The following FAT1 variants were observed in gnomAD, a reference collection of about 807,000 sequenced individuals.
FAT1 encodes the protein protocadherin Fat 1.
In FAT1, 171 loss-of-function variants were observed where a neutral mutation model predicts 329.8. The observed-to-expected ratio is 0.52, with a 90% CI of 0.46 to 0.59. FAT1 has a LOEUF of 0.59. Ranked by LOEUF, FAT1 falls within the 20% of genes least tolerant of loss-of-function variation. FAT1 has a pLI of 0.00. For missense variants in FAT1, 5,672 were observed against 5,774.4 expected (o/e 0.98, Z 0.57); for synonymous variants, 2,233 against 2,228.6 (o/e 1.00, Z -0.06).
intron 2 of FAT1, among the ~76,000 whole-genome samples, chr4:186,705,463 C>T (rs1244758813): frequency 6.6e-6 from 1 of 152,124 alleles, no homozygotes; most frequent in Non-Finnish European, 1.5e-5. Context: ...ACAAATTGAG[C>T]CCCACCTATT....
chr4:186,698,455 C>T (rs781633398), intron 2 of FAT1, among the ~76,000 whole-genome samples: 32 of 152,092 alleles, frequency 2.1e-4, no homozygotes, highest in Admixed American at 4.6e-4. Context: ...AGGAAAGGCG[C>T]GTGTAAATAA....
rs796607593 is a variant in FAT1 at position 186,638,053 on chromosome 4, T to C, written c.3643-1139A>G. Among the ~76,000 whole-genome samples the C allele has an allele frequency of 3.7e-4, 56 of 152,346 alleles. 1 individual carries two copies. The highest frequency in any genetic ancestry group is 1.3e-3 in the African/African-American group (54 of 41,586). ...TTAGTATTCATCACCAAATTGTTCC[T>C]AACTTTGGGTTCAAGAACCAGTAGC... is the stretch of plus-strand genomic sequence containing the variant. On this transcript the variant is annotated intron_variant, in intron 4 of 26. Coordinates refer to ENST00000441802, the MANE Select transcript of FAT1 (RefSeq NM_005245.4).
intron 2 of FAT1, among the ~76,000 whole-genome samples, chr4:186,673,533 A>C (rs1265310437): frequency 6.6e-6 from 1 of 152,236 alleles, no homozygotes; most frequent in Non-Finnish European, 1.5e-5. Context: ...GAATGAGATC[A>C]TAAGTCAATG....
chr4:186,595,768 G>A lies in FAT1; in HGVS notation c.13059C>T (p.Ser4353=), dbSNP rs2126382549. 1 of 1,613,952 alleles carries A rather than the reference G, an allele frequency of 6.2e-7. No individual in the cohort carries two copies. Among genetic ancestry groups the A allele is most frequent in the Non-Finnish European group, 8.5e-7 (1 of 1,179,880 alleles). ...GGCTTTCCCGGGCACTGTATGGCTG[G>A]GAAGGCTTTTCCTCTAGAGGCTTCT... ...LSKKPLEEKP[S]QPYSARESLS... The change falls in exon 26 of 27, where the codon TCC becomes TCT. Residue 4353 remains serine, a synonymous_variant. Transcript: ENST00000441802.
At chr4:186,696,764 C>T (rs1438957698) in intron 2 of FAT1, among the ~76,000 whole-genome samples, 2 of 152,196 alleles carry the variant, frequency 1.3e-5, no homozygotes, top group Non-Finnish European at 2.9e-5. Flanking sequence ...TGGCTCACGC[C>T]TGTAATTCCA....
intron 2 of FAT1, among the ~76,000 whole-genome samples, chr4:186,696,083 G>A (rs1020212006): frequency 5.2e-4 from 79 of 152,166 alleles, no homozygotes; most frequent in African/African-American, 8.0e-4. Flanking sequence ...GAGCCACAGC[G>A]CCCGGCCATA....
chr4:186,678,768 T>C (rs528839033), intron 2 of FAT1, among the ~76,000 whole-genome samples: 2 of 152,158 alleles, frequency 1.3e-5, no homozygotes, highest in South Asian at 4.1e-4. Context: ...AGTTCAACCA[T>C]TGGGAAAGAC....
intron 9 of FAT1, 77 bp from the exon 10 acceptor site, chr4:186,621,852 A>G: frequency 2.3e-6 from 2 of 871,404 alleles, no homozygotes; most frequent in East Asian, 5.6e-5. Flanking sequence ...AAACAGAAAC[A>G]AAGTATCCTT....
intron 26 of FAT1, among the ~76,000 whole-genome samples, chr4:186,591,413 C>T (rs769288454): frequency 7.9e-5 from 12 of 152,316 alleles, no homozygotes; most frequent in Admixed American, 1.3e-4. Context: ...ATTTAGGTAA[C>T]ATGTATCTAC....
At chr4:186,644,656 G>A (rs924984089) in intron 3 of FAT1, among the ~76,000 whole-genome samples, 1 of 141,246 alleles carries the variant, frequency 7.1e-6, no homozygotes, top group Non-Finnish European at 1.6e-5. Flanking sequence ...TTAGAACAGA[G>A]AGAATGTCAG....
chr4:186,703,936 A>G (rs964697082), intron 2 of FAT1, among the ~76,000 whole-genome samples: 1 of 152,248 alleles, frequency 6.6e-6, no homozygotes. Flanking sequence ...AGGAGTTTCT[A>G]CACTGTGATA....
intron 2 of FAT1, among the ~76,000 whole-genome samples, chr4:186,672,454 C>T (rs1742773454): frequency 6.6e-6 from 1 of 152,008 alleles, no homozygotes; most frequent in Admixed American, 6.6e-5. Context: ...TGACACTGAC[C>T]ACCATGACCC....
chr4:186,641,010 T>C (rs767768805), intron 3 of FAT1, among the ~76,000 whole-genome samples: 16 of 152,238 alleles, frequency 1.1e-4, no homozygotes, highest in East Asian at 1.9e-4. Context: ...CATTTAAGAA[T>C]AGACATTATT....
At chr4:186,616,036 G>A (rs1036179602) in intron 11 of FAT1, among the ~76,000 whole-genome samples, 2 of 151,932 alleles carry the variant, frequency 1.3e-5, no homozygotes, top group African/African-American at 4.8e-5. Context: ...AGTCGGGCTC[G>A]ATGGCATGCT....
intron 2 of FAT1, among the ~76,000 whole-genome samples, chr4:186,682,676 A>G (rs1467899567): frequency 6.6e-6 from 1 of 152,228 alleles, no homozygotes; most frequent in Non-Finnish European, 1.5e-5. Context: ...TCTTATTTCA[A>G]GGGTTTACAT....
chr4:186,708,856 A>G lies in FAT1; in HGVS notation c.972T>C (p.Asp324=), dbSNP rs372844189. 2 of 1,613,828 alleles carry G rather than the reference A, an allele frequency of 1.2e-6. No individual in the cohort carries two copies. The highest frequency in any genetic ancestry group is 1.7e-6 in the Non-Finnish European group (2 of 1,179,882). The change falls in exon 2 of 27, where the codon GAT becomes GAC. Residue 324 remains aspartate, a synonymous_variant. Coordinates refer to ENST00000441802, the MANE Select transcript of FAT1 (RefSeq NM_005245.4). The part of the protein sequence containing the change: ...EYKVKAIGGI[D]WDSHPFGYNL... Reference sequence around the variant, plus strand: ...TGTAGCCGAAAGGATGACTGTCCCAATCAATGCCACCGATGGCTTTGACTT... The same window carrying G: ...TGTAGCCGAAAGGATGACTGTCCCAGTCAATGCCACCGATGGCTTTGACTT...
chr4:186,678,656 C>T (rs1743061356), intron 2 of FAT1, among the ~76,000 whole-genome samples: 1 of 149,720 alleles, frequency 6.7e-6, no homozygotes, highest in Non-Finnish European at 1.5e-5. Context: ...ATATTACATA[C>T]ATAAATATAT....
chr4:186,683,105 G>A (rs1027915172), intron 2 of FAT1, among the ~76,000 whole-genome samples: 1 of 152,128 alleles, frequency 6.6e-6, no homozygotes, highest in Admixed American at 6.5e-5. Flanking sequence ...TTGTGTTTCA[G>A]GGCTATTATT....
Position 186,709,835 on chromosome 4 carries a change from C to A in FAT1, c.-8G>T, listed in dbSNP as rs17077740. 253,847 of 1,586,376 alleles carry A rather than the reference C, an allele frequency of 0.16. 23,889 individuals are homozygous for A. Among genetic ancestry groups the A allele is most frequent in the African/African-American group, 0.36 (26,941 of 74,412 alleles). ...AGCCAAATGTCTCCCCATTGCTTAACTGTCGGGAATCTGAAACAGAAGAAA... is the reference window on the plus strand; with the variant it reads ...AGCCAAATGTCTCCCCATTGCTTAAATGTCGGGAATCTGAAACAGAAGAAA... On this transcript the variant is annotated 5_prime_UTR_variant, in exon 2 of 27. Coordinates refer to ENST00000441802, the MANE Select transcript of FAT1 (RefSeq NM_005245.4).
Sources: allele counts gnomAD v4.1 joint callset (sites outside exome capture counted in the v4.1 genomes callset), GRCh38; gene constraint gnomAD v4.1.1; transcripts MANE v1.5; gene names NCBI Gene and HGNC (gene_info 2026-07-23, HGNC 2026-07-21).